The following BRIP1 variants were observed in gnomAD, a reference collection of about 807,000 sequenced individuals.
BRIP1 encodes the protein BRCA1 interacting DNA helicase 1.
A neutral mutation model predicts 119.7 loss-of-function variants in BRIP1; 88 were observed. The observed-to-expected ratio is 0.74, with a 90% CI of 0.62 to 0.88. BRIP1 has a LOEUF of 0.88. BRIP1 is among the 40% of genes least tolerant of loss of function. The pLI is 0.00. For synonymous variants in BRIP1, 443 were observed against 496.5 expected (o/e 0.89, Z 1.43); for missense variants, 1,259 against 1,455.4 (o/e 0.87, Z 2.20).
chr17:61,740,475 GAAAAT>G lies in BRIP1; in HGVS notation c.2379+2533_2379+2537del, dbSNP rs963007700. On this transcript the variant is annotated intron_variant, in intron 16 of 19. Transcript: ENST00000259008. This position sits in a 1 kb window ranked among gnomAD's most constrained non-coding sequence, Gnocchi z 5.4. ...CTGTTGACCAAAGACAGTATAAGTT[GAAAAT>G]AAAATAAAATCTGTATCTACTAAAT... Among the ~76,000 whole-genome samples, 1 of 152,074 alleles carries G rather than the reference GAAAAT, an allele frequency of 6.6e-6. No individual in the cohort carries two copies. The highest frequency in any genetic ancestry group is 2.4e-5 in the African/African-American group (1 of 41,414).
chr17:61,745,099 G>T lies in BRIP1; in HGVS notation c.2098-508C>A, dbSNP rs774919601. 1.3e-5 allele frequency among the ~76,000 whole-genome samples: 2 copies of T among 151,994 alleles called. No homozygotes were observed. The highest frequency in any genetic ancestry group is 2.9e-5 in the Non-Finnish European group (2 of 67,988). The stretch of plus-strand genomic sequence containing the variant: ...TAAGATCATTTTACTAAGTGTATAG[G>T]CAGATAAGCTCATTATTTGAATATT... On this transcript the variant is annotated intron_variant, in intron 14 of 19. Transcript: ENST00000259008. This position sits in a 1 kb window ranked among gnomAD's most constrained non-coding sequence, Gnocchi z 4.4.
At position 61,809,401 on chromosome 17, in the gene BRIP1, C is replaced by T. The variant is rs574311918; in HGVS notation, c.628-644G>A. Among the ~76,000 whole-genome samples the T allele has an allele frequency of 6.6e-6, 1 of 152,160 alleles. No individual in the cohort carries two copies. The highest frequency in any genetic ancestry group is 1.9e-4 in the East Asian group (1 of 5,178). ...TCAGTTACCTGTCATGGAGTGTAAA[C>T]CAATCAGTAAAATTATCATCCAGGG... On this transcript the variant is annotated intron_variant, in intron 6 of 19. Transcript: ENST00000259008. This position sits in a 1 kb window ranked among gnomAD's most constrained non-coding sequence, Gnocchi z 5.2.
At chr17:61,707,036 T>G (rs938169380) in intron 17 of BRIP1, among the ~76,000 whole-genome samples, 8 of 152,116 alleles carry the variant, frequency 5.3e-5, no homozygotes, top group African/African-American at 1.9e-4. Flanking sequence ...TTTAAATTTT[T>G]TTTTTTTATT....
At chr17:61,763,254 TCA>T (rs2077303868) in intron 14 of BRIP1, among the ~76,000 whole-genome samples, 1 of 152,130 alleles carries the variant, frequency 6.6e-6, no homozygotes, top group Non-Finnish European at 1.5e-5. Context: ...ATTTATTATC[TCA>T]CAGTCTCTGT....
rs935849502 is a variant in BRIP1, at chr17:61,708,748, G to T, written c.2492+7203C>A. Among the ~76,000 whole-genome samples, 2 of 152,180 alleles carry T rather than the reference G, an allele frequency of 1.3e-5. No homozygotes were observed. The highest frequency in any genetic ancestry group is 2.9e-5 in the Non-Finnish European group (2 of 68,048). Reference sequence around the variant, plus strand: ...CTGATTGGCAGCTCTGAATGTATGGGTAGAGCTTATAGGCTGGGAAGTTTG... The same window carrying T: ...CTGATTGGCAGCTCTGAATGTATGGTTAGAGCTTATAGGCTGGGAAGTTTG... On this transcript the variant is annotated intron_variant, in intron 17 of 19. Transcript: ENST00000259008. This position sits in a 1 kb window ranked among gnomAD's most constrained non-coding sequence, Gnocchi z 4.4.
intron 14 of BRIP1, among the ~76,000 whole-genome samples, chr17:61,749,270 GACC>G (rs2144743096): frequency 6.6e-6 from 1 of 151,992 alleles, no homozygotes; most frequent in East Asian, 1.9e-4. Context: ...CTACGATTGG[GACC>G]ACAACAAACT....
intron 6 of BRIP1, 78 bp downstream of exon 6, chr17:61,847,023 T>A: frequency 1.3e-6 from 2 of 1,558,198 alleles, no homozygotes; most frequent in Non-Finnish European, 1.8e-6. Context: ...TATACTATTG[T>A]TCCTCTTTTG....
In BRIP1 at chr17:61,705,773, A is replaced by G. The variant is rs2061682077; in HGVS notation, c.2492+10178T>C. On this transcript the variant is annotated intron_variant, in intron 17 of 19. Coordinates refer to ENST00000259008, the MANE Select transcript of BRIP1 (RefSeq NM_032043.3). This position sits in a 1 kb window ranked among gnomAD's most constrained non-coding sequence, Gnocchi z 5.0. Reference sequence around the variant, plus strand: ...TTTTCATTTTTGATCAGTTCAAAATATTTTCTAATTTTACTTGAAACTTGC... The same window carrying G: ...TTTTCATTTTTGATCAGTTCAAAATGTTTTCTAATTTTACTTGAAACTTGC... Among the ~76,000 whole-genome samples, 1 of 152,062 alleles carries G rather than the reference A, an allele frequency of 6.6e-6. No individual in the cohort carries two copies. The highest frequency in any genetic ancestry group is 2.4e-5 in the African/African-American group (1 of 41,418).
chr17:61,820,847 G>T (rs192461946), intron 6 of BRIP1, among the ~76,000 whole-genome samples: 32 of 152,208 alleles, frequency 2.1e-4, no homozygotes, highest in African/African-American at 7.7e-4. Context: ...CTACTCGGGA[G>T]GCTGGGGCAG....
In BRIP1 at chr17:61,715,908, G is replaced by A. The variant is rs747008877; in HGVS notation, c.2492+43C>T. Reference sequence around the variant, plus strand: ...TAGCAAGACTAGATTTATATATATAGCCCTGTCACAGATAATATTATATTA... The same window carrying A: ...TAGCAAGACTAGATTTATATATATAACCCTGTCACAGATAATATTATATTA... On this transcript the variant is annotated intron_variant, in intron 17 of 19. Transcript: ENST00000259008. 5.6e-6 allele frequency: 7 copies of A among 1,250,348 alleles called. No individual in the cohort carries two copies. In the Admixed American group the frequency reaches 1.2e-4, roughly 22 times the overall value. 77.5% of individuals were successfully genotyped at this position (1,250,348 alleles called of 1,614,324 possible).
rs888020643 is a variant in BRIP1 at position 61,726,447 on chromosome 17, T to C, written c.2380-10384A>G. On this transcript the variant is annotated intron_variant, in intron 16 of 19. Transcript: ENST00000259008. This position sits in a 1 kb window ranked among gnomAD's most constrained non-coding sequence, Gnocchi z 6.2. ...TGGTATGTGAAATAAGCCATAAGGC[T>C]GTGGAGGCCATATAGTCATTACCTT... Among the ~76,000 whole-genome samples the C allele has an allele frequency of 6.6e-6, 1 of 152,246 alleles. No homozygotes were observed. The highest frequency in any genetic ancestry group is 1.5e-5 in the Non-Finnish European group (1 of 68,040).
At chr17:61,836,851 A>G (rs985301593) in intron 6 of BRIP1, among the ~76,000 whole-genome samples, 3 of 152,232 alleles carry the variant, frequency 2.0e-5, no homozygotes, top group African/African-American at 7.2e-5. Context: ...TATAAAAATG[A>G]ACTGTCATCA....
Position 61,695,149 on chromosome 17 carries a change from C to A in BRIP1, c.2493-1637G>T, listed in dbSNP as rs184582333. ...GTTTTTGCCTTTTTCTGTCTTTGAT[C>A]CACTTTGAGTTAACTTTTGTATATG... is the stretch of plus-strand genomic sequence containing the variant. On this transcript the variant is annotated intron_variant, in intron 17 of 19. Transcript: ENST00000259008. This position sits in a 1 kb window ranked among gnomAD's most constrained non-coding sequence, Gnocchi z 4.3. 1.2e-4 allele frequency among the ~76,000 whole-genome samples: 18 copies of A among 152,052 alleles called. No homozygotes were observed. Among genetic ancestry groups the A allele is most frequent in the African/African-American group, 3.9e-4 (16 of 41,520 alleles).
At chr17:61,801,903 T>C (rs1035374341) in intron 7 of BRIP1, among the ~76,000 whole-genome samples, 1 of 152,178 alleles carries the variant, frequency 6.6e-6, no homozygotes, top group Non-Finnish European at 1.5e-5. Context: ...GACCCTTTTG[T>C]ACCTTTTCAA....
rs72842980 is a variant in BRIP1, at chr17:61,751,747, G to A, written c.2098-7156C>T. ...AAACTAATACCTTTAGCTTTAGGGG[G>A]ATACAATTGGGAAGGAACAAATGGA... On this transcript the variant is annotated intron_variant, in intron 14 of 19. Coordinates refer to ENST00000259008, the MANE Select transcript of BRIP1 (RefSeq NM_032043.3). This position sits in a 1 kb window ranked among gnomAD's most constrained non-coding sequence, Gnocchi z 6.7. Among the ~76,000 whole-genome samples the A allele has an allele frequency of 9.2e-3, 1,396 of 151,760 alleles. 9 individuals are homozygous for A. The highest frequency in any genetic ancestry group is 0.013 in the Non-Finnish European group (897 of 67,932).
intron 11 of BRIP1, chr17:61,783,995 T>C (rs181626625): frequency 1.0e-5 from 3 of 291,576 alleles, no homozygotes; most frequent in African/African-American, 2.2e-5. Context: ...GGTGGGAGGA[T>C]TGCTTAAGCC....
rs1407608670 is a variant in BRIP1 at position 61,825,004 on chromosome 17, G to A, written c.628-16247C>T. On this transcript the variant is annotated intron_variant, in intron 6 of 19. Transcript: ENST00000259008. This position sits in a 1 kb window ranked among gnomAD's most constrained non-coding sequence, Gnocchi z 4.1. ...AAACCAGCACAAGAAAAGGAAGCCCGGCCGGGTGCAGTGGCTCACGCCTGT... is the reference window on the plus strand; with the variant it reads ...AAACCAGCACAAGAAAAGGAAGCCCAGCCGGGTGCAGTGGCTCACGCCTGT... 2.0e-5 allele frequency among the ~76,000 whole-genome samples: 3 copies of A among 152,086 alleles called. No individual in the cohort carries two copies. Among genetic ancestry groups the A allele is most frequent in the African/African-American group, 4.8e-5 (2 of 41,406 alleles).
intron 6 of BRIP1, among the ~76,000 whole-genome samples, chr17:61,838,543 CAAAA>C (rs1267927085): frequency 1.6e-5 from 2 of 125,870 alleles, no homozygotes; most frequent in African/African-American, 6.3e-5. Context: ...GACTCCCTCT[CAAAA>C]AATAAATAAA....
chr17:61,765,382 TATATATATATATATA>T (rs2077341841), intron 14 of BRIP1, among the ~76,000 whole-genome samples: 300 of 18,292 alleles, frequency 0.016, 3 homozygotes, highest in South Asian at 0.025. Flanking sequence ...GTATATATTA[TATATATATATATATA>T]TATATATATA....
Sources: allele counts gnomAD v4.1 joint callset (sites outside exome capture counted in the v4.1 genomes callset), GRCh38; gene constraint gnomAD v4.1.1; non-coding constraint Gnocchi (gnomAD v3.1); transcripts MANE v1.5; gene names NCBI Gene and HGNC (gene_info 2026-07-23, HGNC 2026-07-21).